MAPKAP1: variants seen among roughly 807,000 people sequenced by gnomAD.
MAPKAP1 encodes the protein MAPK associated protein 1.
A neutral mutation model predicts 65.7 loss-of-function variants in MAPKAP1; 20 were observed. That is an observed-to-expected ratio of 0.30 (90% CI 0.21 to 0.44). MAPKAP1 has a LOEUF of 0.44. MAPKAP1 is among the 20% of genes least tolerant of loss of function. The pLI, the probability that MAPKAP1 is intolerant of heterozygous loss-of-function variation, is 1.00. For missense variants in MAPKAP1, 423 were observed against 648.0 expected (o/e 0.65, Z 3.77); for synonymous variants, 222 against 244.3 (o/e 0.91, Z 0.85).
At chr9:125,457,710 T>C (rs1045342539) in intron 10 of MAPKAP1, among the ~76,000 whole-genome samples, 1 of 152,254 alleles carries the variant, frequency 6.6e-6, no homozygotes, top group South Asian at 2.1e-4. Flanking sequence ...CTTTAGTCTA[T>C]GGCTAATTTA....
At chr9:125,617,121 AT>A (rs1832768204) in intron 4 of MAPKAP1, among the ~76,000 whole-genome samples, 1 of 152,206 alleles carries the variant, frequency 6.6e-6, no homozygotes, top group African/African-American at 2.4e-5. Flanking sequence ...CAAAACTTTC[AT>A]GTTATACCCC....
rs1276365874 is a variant in MAPKAP1, at chr9:125,559,634, T to G, written c.847A>C (p.Ile283Leu). 6.2e-7 allele frequency: 1 copy of G among 1,612,158 alleles called. No homozygotes were observed. The highest frequency in any genetic ancestry group is 8.5e-7 in the Non-Finnish European group (1 of 1,178,930). The part of the protein sequence containing the change: ...LTSKESLFVR[I>L]NAAHGFSLIQ... ...AGAAGTAATAGAGTCAGTACTCACA[T>G]TCGAACAAAGAGTGACTCTTTGGAT... Residue 283 changes from isoleucine (I) to leucine (L), a missense_variant and splice_region_variant, in exon 6 of 12, where the codon ATA becomes CTA. Physicochemically the swap from Ile to Leu is conservative, Grantham distance 5. This residue lies in a region of MAPKAP1 where 98 missense variants were observed against 200.5 expected (regional missense o/e 0.49). Transcript: ENST00000265960.
At chr9:125,552,238 C>T (rs1830604927) in intron 6 of MAPKAP1, among the ~76,000 whole-genome samples, 1 of 152,164 alleles carries the variant, frequency 6.6e-6, no homozygotes, top group East Asian at 1.9e-4. Context: ...TCCTAATTTG[C>T]AAGTTGTTAG....
At chr9:125,553,681 T>G (rs988310093) in intron 6 of MAPKAP1, among the ~76,000 whole-genome samples, 9 of 152,214 alleles carry the variant, frequency 5.9e-5, no homozygotes, top group Admixed American at 6.5e-5. Flanking sequence ...ACAATGGCAG[T>G]GCTGAGTTAC....
chr9:125,484,758 A>C (rs1854439594), intron 8 of MAPKAP1, among the ~76,000 whole-genome samples, 175 bp from the exon 9 acceptor site: 2 of 152,300 alleles, frequency 1.3e-5, no homozygotes, highest in South Asian at 4.1e-4. Flanking sequence ...TAACATATTA[A>C]TCATTCAACA....
chr9:125,529,225 A>AAGG (rs1441992089), intron 7 of MAPKAP1, among the ~76,000 whole-genome samples: 1 of 151,826 alleles, frequency 6.6e-6, no homozygotes, highest in Non-Finnish European at 1.5e-5. Context: ...AAGAAAATGG[A>AAGG]AGGACTAACA....
chr9:125,457,510 T>C (rs954655856), intron 10 of MAPKAP1, among the ~76,000 whole-genome samples: 2 of 152,256 alleles, frequency 1.3e-5, no homozygotes, highest in African/African-American at 4.8e-5. Context: ...GAGACACATG[T>C]TCCTGCTTCT....
rs941975976 is a variant in MAPKAP1, at chr9:125,603,629, C to T, written c.499-17902G>A. 3.9e-5 allele frequency among the ~76,000 whole-genome samples: 6 copies of T among 152,174 alleles called. No individual in the cohort carries two copies. In the South Asian group the frequency reaches 1.0e-3, roughly 26 times the overall value. ...TGTTCATCTTGAGTCTTAGTCAGTCCAACCTCCTCTGAGGTCCTAACTAAA... is the reference window on the plus strand; with the variant it reads ...TGTTCATCTTGAGTCTTAGTCAGTCTAACCTCCTCTGAGGTCCTAACTAAA... On this transcript the variant is annotated intron_variant, in intron 4 of 11. Coordinates refer to ENST00000265960, the MANE Select transcript of MAPKAP1 (RefSeq NM_001006617.3).
chr9:125,575,871 C>T (rs1053971892), intron 5 of MAPKAP1, among the ~76,000 whole-genome samples: 1 of 152,178 alleles, frequency 6.6e-6, no homozygotes, highest in African/African-American at 2.4e-5. Context: ...TGAAAACTTA[C>T]ATCCACATAA....
At chr9:125,594,926 A>G (rs1468185826) in intron 4 of MAPKAP1, among the ~76,000 whole-genome samples, 1 of 152,130 alleles carries the variant, frequency 6.6e-6, no homozygotes, top group Non-Finnish European at 1.5e-5. Flanking sequence ...GTTCTTCAGG[A>G]ACACTCTTTC....
At chr9:125,540,901 C>A (rs546380059) in intron 7 of MAPKAP1, among the ~76,000 whole-genome samples, 1 of 152,138 alleles carries the variant, frequency 6.6e-6, no homozygotes, top group Non-Finnish European at 1.5e-5. Flanking sequence ...CTAAAAAGTT[C>A]AAAAACACAA....
Position 125,468,075 on chromosome 9 carries a change from A to G in MAPKAP1, c.1242T>C (p.Val414=). Residue 414 remains valine (V), a synonymous_variant, in exon 10 of 12, where the codon GTT becomes GTC. Transcript: ENST00000265960. The part of the protein sequence containing the change: ...ISGDKVEIDP[V]TNQKASTKFW... ...ACTTAGTGCTGGCTTTCTGATTCGTAACAGGGTCTATCTCTACTTTGTCTC... is the reference window on the plus strand; with the variant it reads ...ACTTAGTGCTGGCTTTCTGATTCGTGACAGGGTCTATCTCTACTTTGTCTC... The G allele has an allele frequency of 6.2e-7, 1 of 1,614,228 alleles. No individual in the cohort carries two copies. Among genetic ancestry groups the G allele is most frequent in the Non-Finnish European group, 8.5e-7 (1 of 1,180,030 alleles).
chr9:125,574,756 G>C (rs545637404), intron 5 of MAPKAP1, among the ~76,000 whole-genome samples: 1 of 152,288 alleles, frequency 6.6e-6, no homozygotes, highest in African/African-American at 2.4e-5. Context: ...AGCTGGCTGC[G>C]GTTACAGTAG....
At chr9:125,629,770 T>C (rs1162902779) in intron 4 of MAPKAP1, among the ~76,000 whole-genome samples, 1 of 152,082 alleles carries the variant, frequency 6.6e-6, no homozygotes, top group African/African-American at 2.4e-5. Flanking sequence ...TTGACAATTT[T>C]AACTGAAAAA....
At chr9:125,512,134 C>T (rs1244554567) in intron 7 of MAPKAP1, among the ~76,000 whole-genome samples, 2 of 152,194 alleles carry the variant, frequency 1.3e-5, no homozygotes, top group African/African-American at 4.8e-5. Context: ...CCCTTTAACC[C>T]CTAACTGAAA....
At chr9:125,576,607 G>GCA (rs1413453585) in intron 5 of MAPKAP1, among the ~76,000 whole-genome samples, 3 of 152,150 alleles carry the variant, frequency 2.0e-5, no homozygotes, top group African/African-American at 7.2e-5. Context: ...TCAGCTCACT[G>GCA]CAACCTCCCT....
chr9:125,707,185 C>G lies in MAPKAP1; in HGVS notation c.-284G>C. 1 of 398,226 alleles carries G rather than the reference C, an allele frequency of 2.5e-6. No individual in the cohort carries two copies. Among genetic ancestry groups the G allele is most frequent in the Non-Finnish European group, 4.4e-6 (1 of 225,790 alleles). 24.7% of individuals were successfully genotyped at this position (398,226 alleles called of 1,614,324 possible). On this transcript the variant is annotated 5_prime_UTR_variant, in exon 1 of 12. Coordinates refer to ENST00000265960, the MANE Select transcript of MAPKAP1 (RefSeq NM_001006617.3). ...GCCGCCGGCCGGCCGAGCAGCAGCC[C>G]TATTACCCCGAGCCGCACACGACCC...
chr9:125,577,629 C>G (rs13283007), intron 5 of MAPKAP1, among the ~76,000 whole-genome samples: 6 of 33,822 alleles, frequency 1.8e-4, no homozygotes, highest in Admixed American at 5.2e-4. Flanking sequence ...GTCAGCCCCC[C>G]GCCCGGCCAG....
intron 7 of MAPKAP1, among the ~76,000 whole-genome samples, chr9:125,528,312 T>G (rs1829830932): frequency 6.6e-6 from 1 of 152,324 alleles, no homozygotes; most frequent in East Asian, 1.9e-4. Flanking sequence ...GGCTGGAACA[T>G]GGCCTGTTTC....
Sources: gnomAD v4.1 joint callset for allele counts (sites outside exome capture counted in the v4.1 genomes callset) on GRCh38, gnomAD v4.1.1 for gene constraint, gnomAD v4.1.1 regional missense constraint, MANE v1.5 for transcripts, NCBI Gene and HGNC (gene_info 2026-07-23, HGNC 2026-07-21) for gene names.